RALY: variants seen among roughly 807,000 people sequenced by gnomAD.
RALY encodes the protein RALY heterogeneous nuclear ribonucleoprotein.
A neutral mutation model predicts 30.7 loss-of-function variants in RALY; 15 were observed. The observed-to-expected ratio is 0.49, with a 90% CI of 0.33 to 0.75. RALY has a LOEUF of 0.75. Among genes scored for constraint, RALY ranks in the 30% least tolerant of loss-of-function variants. The pLI is 0.02. For missense variants in RALY, 339 were observed against 414.3 expected (o/e 0.82, Z 1.58); for synonymous variants, 177 against 170.8 (o/e 1.04, Z -0.28).
At chr20:34,037,641 C>A (rs1196446435) in intron 2 of RALY, among the ~76,000 whole-genome samples, 1 of 152,188 alleles carries the variant, frequency 6.6e-6, no homozygotes, top group Non-Finnish European at 1.5e-5. Flanking sequence ...ATAATAGTTT[C>A]TACCCAGCGT....
At chr20:34,035,177 A>AAC (rs2032444917) in intron 2 of RALY, among the ~76,000 whole-genome samples, 7 of 141,738 alleles carry the variant, frequency 4.9e-5, no homozygotes, top group Non-Finnish European at 1.5e-5. Context: ...AAAAAAAAAA[A>AAC]AAAAAAAAAA....
intron 1 of RALY, among the ~76,000 whole-genome samples, chr20:34,025,899 G>GTTTTT (rs35827160): frequency 0.024 from 1,752 of 74,520 alleles, 15 homozygotes; most frequent in East Asian, 0.036. Flanking sequence ...ATTCCTGGTT[G>GTTTTT]TTTTTTTTTT....
chr20:34,015,866 A>G (rs555040268), intron 1 of RALY, among the ~76,000 whole-genome samples: 1 of 151,866 alleles, frequency 6.6e-6, no homozygotes, highest in East Asian at 1.9e-4. Context: ...CACACACACA[A>G]TTGATGTGCA....
intron 2 of RALY, among the ~76,000 whole-genome samples, chr20:34,060,488 T>C (rs1032235594): frequency 3.3e-5 from 5 of 152,244 alleles, no homozygotes; most frequent in African/African-American, 1.2e-4. Context: ...TTCGCATGCT[T>C]TCTGATGTGC....
At chr20:34,026,373 A>ATTTT (rs1284836584) in intron 1 of RALY, among the ~76,000 whole-genome samples, 170 of 139,156 alleles carry the variant, frequency 1.2e-3, no homozygotes, top group Non-Finnish European at 2.0e-3. Context: ...GACCTCAGAC[A>ATTTT]TTTTATTTAT....
At chr20:34,079,323 T>A (rs574054640) in intron 9 of RALY, among the ~76,000 whole-genome samples, 56 of 152,296 alleles carry the variant, frequency 3.7e-4, no homozygotes, top group African/African-American at 1.3e-3. Flanking sequence ...CCCAGTGGTG[T>A]GTGGCTTCAA....
chr20:34,032,040 G>A (rs2032300637), intron 2 of RALY, among the ~76,000 whole-genome samples: 1 of 152,182 alleles, frequency 6.6e-6, no homozygotes, highest in South Asian at 2.1e-4. Flanking sequence ...TCGGCTCAAT[G>A]CAACCTCCGC....
chr20:34,008,415 G>A (rs1357518166), intron 1 of RALY, among the ~76,000 whole-genome samples: 1 of 152,152 alleles, frequency 6.6e-6, no homozygotes, highest in Non-Finnish European at 1.5e-5. Context: ...GGGTAATTTT[G>A]CTCTTTTGCA....
chr20:34,035,593 A>G (rs1941895213), intron 2 of RALY, among the ~76,000 whole-genome samples: 1 of 152,100 alleles, frequency 6.6e-6, no homozygotes, highest in African/African-American at 2.4e-5. Flanking sequence ...CAGCCTCTTG[A>G]GCTAGTAGTC....
chr20:34,028,620 T>C (rs975596686), intron 1 of RALY, among the ~76,000 whole-genome samples: 6 of 137,888 alleles, frequency 4.4e-5, no homozygotes, highest in African/African-American at 1.7e-4. Context: ...AGGAGAATGG[T>C]GTGAACCCGG....
At chr20:34,044,738 T>C (rs1209277801) in intron 2 of RALY, among the ~76,000 whole-genome samples, 1 of 152,198 alleles carries the variant, frequency 6.6e-6, no homozygotes, top group Non-Finnish European at 1.5e-5. Context: ...GCTCCTGAGA[T>C]GTTCCCCAGT....
At chr20:34,042,043 C>T (rs1406360700) in intron 2 of RALY, among the ~76,000 whole-genome samples, 12 of 152,066 alleles carry the variant, frequency 7.9e-5, no homozygotes, top group Non-Finnish European at 1.5e-4. Context: ...ATTGCCATCC[C>T]GGCGGGTGGA....
chr20:34,003,653 T>TG (rs2031025540), intron 1 of RALY, among the ~76,000 whole-genome samples: 1 of 147,574 alleles, frequency 6.8e-6, no homozygotes, highest in Non-Finnish European at 1.5e-5. Context: ...TTTTTTTTTT[T>TG]TTTTGAGACG....
chr20:34,048,576 G>A (rs1027684362), intron 2 of RALY, among the ~76,000 whole-genome samples: 3 of 152,318 alleles, frequency 2.0e-5, no homozygotes, highest in East Asian at 1.9e-4. Flanking sequence ...TTTCTCTGCG[G>A]CCGGGCGTGG....
At chr20:34,028,065 G>A (rs1276379520) in intron 1 of RALY, among the ~76,000 whole-genome samples, 1 of 152,172 alleles carries the variant, frequency 6.6e-6, no homozygotes, top group African/African-American at 2.4e-5. Flanking sequence ...GCCAAGGCAA[G>A]CAGATAACTT....
At chr20:34,018,968 G>T (rs1159034980) in intron 1 of RALY, among the ~76,000 whole-genome samples, 1 of 152,134 alleles carries the variant, frequency 6.6e-6, no homozygotes, top group East Asian at 1.9e-4. Context: ...TACGGATTGG[G>T]GGTCAGTTTA....
intron 2 of RALY, among the ~76,000 whole-genome samples, chr20:34,044,370 G>T (rs6120493): frequency 6.6e-6 from 1 of 151,218 alleles, no homozygotes; most frequent in Non-Finnish European, 1.5e-5. Context: ...TTATTGCCCA[G>T]ACCGGAATGG....
intron 3 of RALY, among the ~76,000 whole-genome samples, chr20:34,073,092 G>T (rs149278982): frequency 1.4e-4 from 22 of 152,288 alleles, no homozygotes; most frequent in Middle Eastern, 6.8e-3. Context: ...ATGTGAATGT[G>T]CATTGGCTCA....
At chr20:34,032,705 G>C (rs532452557) in intron 2 of RALY, among the ~76,000 whole-genome samples, 7 of 152,064 alleles carry the variant, frequency 4.6e-5, no homozygotes, top group Non-Finnish European at 1.0e-4. Context: ...CTCAGGAACT[G>C]AAATAATTTG....
Sources: allele counts gnomAD v4.1 joint callset (sites outside exome capture counted in the v4.1 genomes callset), GRCh38; gene constraint gnomAD v4.1.1; transcripts MANE v1.5; gene names NCBI Gene and HGNC (gene_info 2026-07-23, HGNC 2026-07-21).